Variants in MSR1 observed in about 807,000 individuals in gnomAD.
MSR1 encodes the protein macrophage scavenger receptor types I and II.
MSR1 carries 53 observed loss-of-function variants against 47.2 expected under a neutral mutation model. The ratio of observed to expected loss-of-function variants is 1.12; its 90% CI spans 0.90 to 1.41. The LOEUF is 1.41. Among genes scored for constraint, MSR1 ranks in the 40% most tolerant of loss-of-function variants. MSR1 has a pLI of 0.00. For missense variants in MSR1, 786 were observed against 546.9 expected, an observed-to-expected ratio of 1.44 and a Z score of -4.36; for synonymous variants, 239 against 185.6, an observed-to-expected ratio of 1.29 and a Z score of -2.34.
Position 16,150,562 on chromosome 8 carries a change from T to C in MSR1, c.899-251A>G, listed in dbSNP as rs940573572. Among the ~76,000 whole-genome samples, 5 of 152,012 alleles carry C rather than the reference T, an allele frequency of 3.3e-5. No homozygotes were observed. The East Asian group carries it at 9.7e-4, about 29-fold the overall frequency. On this transcript the variant is annotated intron_variant, in intron 6 of 9. Coordinates refer to ENST00000262101, the MANE Select transcript of MSR1 (RefSeq NM_138715.3). Reference sequence around the variant, plus strand: ...ATTGTTGGTAGAAATAAAAGCACATTAGGAAAAATAGATCTTGGAGTTTTA... The same window carrying C: ...ATTGTTGGTAGAAATAAAAGCACATCAGGAAAAATAGATCTTGGAGTTTTA...
rs1585192205 is a variant in MSR1, at chr8:16,177,996, T to C, written c.-4-4A>G. 6.2e-7 allele frequency: 1 copy of C among 1,606,768 alleles called. No homozygotes were observed. Among genetic ancestry groups the C allele is most frequent in the South Asian group, 1.1e-5 (1 of 90,840 alleles). On this transcript the variant is annotated splice_polypyrimidine_tract_variant and splice_region_variant and intron_variant, in intron 1 of 9. Transcript: ENST00000262101. ...GTGATCCCACTGCTCCATACTTCTA[T>C]GAAACAAAATGGAAAAATATATTAA...
intron 3 of MSR1, among the ~76,000 whole-genome samples, chr8:16,170,023 T>A (rs1341004626): frequency 6.6e-6 from 1 of 152,052 alleles, no homozygotes; most frequent in African/African-American, 2.4e-5. Flanking sequence ...TTTTCTAGTT[T>A]CAAAAAAATA....
chr8:16,120,773 G>A, intron 8 of MSR1, 167 bp from the exon 9 acceptor site: 2 of 868,728 alleles, frequency 2.3e-6, no homozygotes, highest in African/African-American at 1.7e-5. Context: ...ACCACCTATT[G>A]GTAAAGAGTT....
At chr8:16,114,361 T>A (rs1330536736) in intron 9 of MSR1, among the ~76,000 whole-genome samples, 1 of 152,184 alleles carries the variant, frequency 6.6e-6, no homozygotes, top group African/African-American at 2.4e-5. Context: ...TTTGTTTCTC[T>A]TTTCAGGTTT....
At chr8:16,183,421 A>C (rs554822043) in intron 1 of MSR1, among the ~76,000 whole-genome samples, 12 of 151,142 alleles carry the variant, frequency 7.9e-5, no homozygotes, top group Non-Finnish European at 1.3e-4. Flanking sequence ...GAATATATTA[A>C]ATAAATATTG....
At chr8:16,124,628 A>C (rs2117071267) in intron 8 of MSR1, among the ~76,000 whole-genome samples, 1 of 152,014 alleles carries the variant, frequency 6.6e-6, no homozygotes, top group South Asian at 2.1e-4. Flanking sequence ...TTCCCCTCTC[A>C]TTTCTACACT....
chr8:16,154,963 C>A lies in MSR1; in HGVS notation c.898+101G>T, dbSNP rs552258851. On this transcript the variant is annotated intron_variant, in intron 6 of 9. Transcript: ENST00000262101. ...ACACACACACACACATACACATCCT[C>A]TGCAGGATATAAATAAAATAGCAAT... 1.0e-5 allele frequency: 10 copies of A among 962,194 alleles called. No individual in the cohort carries two copies. In the South Asian group the frequency reaches 1.1e-4, roughly 10 times the overall value. 59.6% of individuals were successfully genotyped at this position (962,194 alleles called of 1,614,324 possible).
Position 16,177,994 on chromosome 8 carries a change from T to C in MSR1, c.-4-2A>G, listed in dbSNP as rs532917895. The C allele has an allele frequency of 6.8e-6, 11 of 1,610,768 alleles. No homozygotes were observed. The highest frequency in any genetic ancestry group is 2.2e-5 in the East Asian group (1 of 44,814). On this transcript the variant is annotated splice_acceptor_variant, in intron 1 of 9. Transcript: ENST00000262101. LOFTEE classifies it low-confidence loss of function (5UTR_SPLICE). Reference sequence around the variant, plus strand: ...AAGTGATCCCACTGCTCCATACTTCTATGAAACAAAATGGAAAAATATATT... The same window carrying C: ...AAGTGATCCCACTGCTCCATACTTCCATGAAACAAAATGGAAAAATATATT...
chr8:16,115,776 T>C (rs1799864323), intron 9 of MSR1, among the ~76,000 whole-genome samples: 2 of 151,954 alleles, frequency 1.3e-5, no homozygotes, highest in Admixed American at 6.6e-5. Flanking sequence ...CTAGGAGTTT[T>C]AGATGAGCCT....
chr8:16,136,650 G>A (rs892747391), intron 8 of MSR1, among the ~76,000 whole-genome samples: 6 of 151,942 alleles, frequency 3.9e-5, no homozygotes, highest in Admixed American at 1.3e-4. Flanking sequence ...GTCTCCAGGC[G>A]GGAGTGCAGT....
intron 1 of MSR1, among the ~76,000 whole-genome samples, chr8:16,187,266 G>A (rs910080386): frequency 6.9e-6 from 1 of 144,228 alleles, no homozygotes; most frequent in Admixed American, 7.5e-5. Context: ...AGAAGGCTGA[G>A]ACAGGAGAAT....
intron 8 of MSR1, among the ~76,000 whole-genome samples, chr8:16,135,491 A>T (rs954921132): frequency 1.3e-5 from 2 of 152,104 alleles, no homozygotes; most frequent in Admixed American, 1.3e-4. Flanking sequence ...ATTACTGCTC[A>T]TTGAGAGTGC....
chr8:16,151,547 C>A (rs1563154415), intron 6 of MSR1, among the ~76,000 whole-genome samples: 1 of 152,066 alleles, frequency 6.6e-6, no homozygotes, highest in African/African-American at 2.4e-5. Flanking sequence ...TACCCTGAGG[C>A]TTTCAGGAGG....
intron 8 of MSR1, chr8:16,140,669 A>G: frequency 7.9e-7 from 1 of 1,268,726 alleles, no homozygotes; most frequent in Non-Finnish European, 1.0e-6. Flanking sequence ...TGGGTTCAAG[A>G]CTCTAGGTCA....
intron 8 of MSR1, among the ~76,000 whole-genome samples, chr8:16,133,551 C>T (rs1042160266): frequency 1.3e-5 from 2 of 152,092 alleles, no homozygotes; most frequent in African/African-American, 4.8e-5. Flanking sequence ...TCATAGTAAG[C>T]CTAGGTTACC....
At position 16,177,901 on chromosome 8, in the gene MSR1, C is replaced by T. The variant is rs143927568; in HGVS notation, c.88G>A (p.Ala30Thr). The change falls in exon 2 of 10, where the codon GCT becomes ACT. Residue 30 changes from alanine (A) to threonine (T), a missense_variant. Transcript: ENST00000262101. ...SVKFDARSMTALLPPNPKNSP... is the reference protein window; with the variant it reads ...SVKFDARSMTTLLPPNPKNSP... ...CTCTACTTACTCGGAGGAAGCAAAG[C>T]TGTCATTGAGCGAGCATCAAATTTC... is the stretch of plus-strand genomic sequence containing the variant. 1.7e-4 allele frequency: 274 copies of T among 1,613,872 alleles called. No homozygotes were observed. Among genetic ancestry groups the T allele is most frequent in the Non-Finnish European group, 2.1e-4 (248 of 1,179,862 alleles).
intron 3 of MSR1, among the ~76,000 whole-genome samples, chr8:16,172,468 C>T (rs537704634): frequency 8.9e-4 from 135 of 152,178 alleles, no homozygotes; most frequent in Admixed American, 1.7e-3. Context: ...CAAAAGTTCA[C>T]TTATTTTTAT....
At chr8:16,141,120 C>G in intron 8 of MSR1, 1 of 1,510,000 alleles carries the variant, frequency 6.6e-7, no homozygotes, top group Non-Finnish European at 9.1e-7. Flanking sequence ...TTTAAAGATG[C>G]ATATGAAAAC....
chr8:16,134,531 C>T (rs1414730315), intron 8 of MSR1, among the ~76,000 whole-genome samples: 1 of 152,102 alleles, frequency 6.6e-6, no homozygotes, highest in Admixed American at 6.5e-5. Context: ...GCTGTTCCCC[C>T]TTCTGTCTCT....
Sources: allele counts gnomAD v4.1 joint callset (sites outside exome capture counted in the v4.1 genomes callset), GRCh38; gene constraint gnomAD v4.1.1; transcripts MANE v1.5; gene names NCBI Gene and HGNC (gene_info 2026-07-23, HGNC 2026-07-21).